ADIPOR1: variants seen among roughly 807,000 people sequenced by gnomAD.
ADIPOR1 encodes adiponectin receptor protein 1.
Under a neutral mutation model 37.5 loss-of-function variants are expected in ADIPOR1, and 15 were observed. The ratio of observed to expected loss-of-function variants is 0.40; its 90% CI spans 0.27 to 0.62. The LOEUF is 0.62. ADIPOR1 is among the 20% of genes least tolerant of loss of function. The pLI, the probability that ADIPOR1 is intolerant of heterozygous loss-of-function variation, is 0.42. For synonymous variants in ADIPOR1, 173 were observed against 173.2 expected, an observed-to-expected ratio of 1.00 and a Z score of 0.01; for missense variants, 286 against 478.0, an observed-to-expected ratio of 0.60 and a Z score of 3.75.
intron 6 of ADIPOR1, among the ~76,000 whole-genome samples, chr1:202,942,745 T>C (rs945721026): frequency 6.6e-6 from 1 of 152,224 alleles, no homozygotes; most frequent in Non-Finnish European, 1.5e-5. Context: ...ACACTACACA[T>C]AACTGAAGGG....
intron 2 of ADIPOR1, among the ~76,000 whole-genome samples, chr1:202,950,320 T>A (rs1176668297): frequency 6.6e-6 from 1 of 151,832 alleles, no homozygotes; most frequent in African/African-American, 2.4e-5. Context: ...ATACCTGTAA[T>A]TCCAACACTT....
rs146792118 is a variant in ADIPOR1 at position 202,945,126 on chromosome 1, T to C, written c.474A>G (p.Arg158=). 226 of 1,613,696 alleles carry C rather than the reference T, an allele frequency of 1.4e-4. No homozygotes were observed. The highest frequency in any genetic ancestry group is 1.7e-4 in the Non-Finnish European group (205 of 1,179,878). ...GAGGGGCCATGAAGTACATATTTGG[T>C]CTGAGCATGGTCAAGATTCCCAAAA... ...FLFLGILTML[R]PNMYFMAPLQ... is the part of the protein sequence containing the mutation. Residue 158 remains arginine (R), a synonymous_variant, in exon 5 of 8, where the codon AGA becomes AGG. Transcript: ENST00000340990.
At chr1:202,957,763 C>A (rs1181268435) in intron 1 of ADIPOR1, among the ~76,000 whole-genome samples, 3 of 152,230 alleles carry the variant, frequency 2.0e-5, no homozygotes, top group Non-Finnish European at 4.4e-5. Flanking sequence ...GGCTGTTCCC[C>A]GCTGAGAGGC....
chr1:202,949,769 T>TA (rs1654492013), intron 2 of ADIPOR1, among the ~76,000 whole-genome samples: 1 of 152,116 alleles, frequency 6.6e-6, no homozygotes, highest in Admixed American at 6.6e-5. Context: ...GATTTTGTGC[T>TA]ACAGCTTCCA....
chr1:202,946,115 C>A (rs145829537), intron 4 of ADIPOR1, among the ~76,000 whole-genome samples: 33 of 151,592 alleles, frequency 2.2e-4, no homozygotes, highest in Non-Finnish European at 4.7e-4. Flanking sequence ...GAAACCCAGA[C>A]AAAAAAGACC....
At chr1:202,954,886 T>C (rs1340771441) in intron 1 of ADIPOR1, among the ~76,000 whole-genome samples, 4 of 152,192 alleles carry the variant, frequency 2.6e-5, no homozygotes, top group Non-Finnish European at 5.9e-5. Flanking sequence ...CGGCACACCT[T>C]TCCTGGAGGC....
At chr1:202,956,501 G>A (rs987279571) in intron 1 of ADIPOR1, among the ~76,000 whole-genome samples, 3 of 152,208 alleles carry the variant, frequency 2.0e-5, no homozygotes, top group Non-Finnish European at 4.4e-5. Flanking sequence ...TGAAATGGTT[G>A]TTGGCCTCTA....
chr1:202,942,748 C>G (rs1654147045), intron 6 of ADIPOR1, among the ~76,000 whole-genome samples: 2 of 152,234 alleles, frequency 1.3e-5, no homozygotes, highest in African/African-American at 4.8e-5. Context: ...CTACACATAA[C>G]TGAAGGGCAG....
At position 202,948,387 on chromosome 1, in the gene ADIPOR1, C is replaced by T. The variant is rs2102488071; in HGVS notation, c.175G>A (p.Glu59Lys). 6.2e-7 allele frequency: 1 copy of T among 1,614,028 alleles called. No individual in the cohort carries two copies. The highest frequency in any genetic ancestry group is 8.5e-7 in the Non-Finnish European group (1 of 1,179,950). Residue 59 changes from glutamate (E) to lysine (K), a missense_variant, in exon 3 of 8, where the codon GAA becomes AAA. Glu to Lys is a moderately conservative substitution (Grantham distance 56). Coordinates refer to ENST00000340990, the MANE Select transcript of ADIPOR1 (RefSeq NM_015999.6). ...AGTACCCGCACCTCCTCCTCTTCTT[C>T]CTGGGGCACTGGGCATGTTTGCTCT... ...EEEQTCPVPQ[E>K]EEEEVRVLTL...
At chr1:202,942,414 TGTAA>T (rs1654130736) in intron 6 of ADIPOR1, among the ~76,000 whole-genome samples, 196 bp from the exon 7 acceptor site, 1 of 152,266 alleles carries the variant, frequency 6.6e-6, no homozygotes, top group Non-Finnish European at 1.5e-5. Context: ...GAAGAAGCTG[TGTAA>T]GTGCTTACTA....
chr1:202,946,389 C>A, intron 4 of ADIPOR1, 50 bp downstream of exon 4: 1 of 1,604,730 alleles, frequency 6.2e-7, no homozygotes, highest in Non-Finnish European at 8.5e-7. Context: ...ATAATCCCTT[C>A]GCAGTTAGGG....
intron 3 of ADIPOR1, 35 bp from the exon 4 acceptor site, chr1:202,946,645 A>G: frequency 1.2e-6 from 2 of 1,608,188 alleles, no homozygotes; most frequent in Non-Finnish European, 1.7e-6. Flanking sequence ...GTAGGGCACT[A>G]GATAGTACCT....
At chr1:202,953,434 A>G (rs751788249) in intron 1 of ADIPOR1, among the ~76,000 whole-genome samples, 1 of 152,202 alleles carries the variant, frequency 6.6e-6, no homozygotes, top group Admixed American at 6.5e-5. Flanking sequence ...GAGATGCAAT[A>G]CATGGATCAT....
chr1:202,944,297 T>C (rs1056323416), intron 5 of ADIPOR1: 1 of 185,340 alleles, frequency 5.4e-6, no homozygotes, highest in Non-Finnish European at 1.1e-5. Context: ...AATTCTCCTA[T>C]TCTGATAGAA....
At chr1:202,948,539 G>A in intron 2 of ADIPOR1, 119 bp from the exon 3 acceptor site, 1 of 783,770 alleles carries the variant, frequency 1.3e-6, no homozygotes, top group Non-Finnish European at 2.2e-6. Context: ...CTTTCCTACA[G>A]AGGGTCTTGT....
At chr1:202,950,328 C>T (rs1654519739) in intron 2 of ADIPOR1, among the ~76,000 whole-genome samples, 1 of 151,828 alleles carries the variant, frequency 6.6e-6, no homozygotes, top group Non-Finnish European at 1.5e-5. Flanking sequence ...AATTCCAACA[C>T]TTTGGGAGGC....
intron 3 of ADIPOR1, 86 bp from the exon 4 acceptor site, chr1:202,946,696 A>G: frequency 7.1e-7 from 1 of 1,407,554 alleles, no homozygotes. Flanking sequence ...GTCTAAGAAG[A>G]TGTCAGTCAG....
rs559688562 is a variant in ADIPOR1, at chr1:202,949,575, T to C, written c.142-1155A>G. Among the ~76,000 whole-genome samples, 291 of 51,244 alleles carry C rather than the reference T, an allele frequency of 5.7e-3. 2 individuals carry two copies. Among genetic ancestry groups the C allele is most frequent in the African/African-American group, 0.016 (277 of 17,116 alleles). 33.6% of individuals were successfully genotyped at this position (51,244 alleles called of 152,430 possible). ...CAGCCAGGGCGACAGCGAGACTCTGTCTCCAAAAAAAAAAAAAAAAAACAC... is the reference window on the plus strand; with the variant it reads ...CAGCCAGGGCGACAGCGAGACTCTGCCTCCAAAAAAAAAAAAAAAAAACAC... On this transcript the variant is annotated intron_variant, in intron 2 of 7. Coordinates refer to ENST00000340990, the MANE Select transcript of ADIPOR1 (RefSeq NM_015999.6).
intron 1 of ADIPOR1, among the ~76,000 whole-genome samples, chr1:202,954,985 T>A: frequency 6.6e-6 from 1 of 152,206 alleles, no homozygotes. Context: ...ATTCTTGTCC[T>A]AAAGCAAGAC....
Sources: allele counts gnomAD v4.1 joint callset (sites outside exome capture counted in the v4.1 genomes callset), GRCh38; gene constraint gnomAD v4.1.1; transcripts MANE v1.5; gene names NCBI Gene and HGNC (gene_info 2026-07-23, HGNC 2026-07-21).